Variants in LDLRAD3 observed in about 807,000 individuals in gnomAD.
LDLRAD3 encodes low density lipoprotein receptor class A domain containing 3, also known as low-density lipoprotein receptor class A domain-containing protein 3.
LDLRAD3 carries 20 observed loss-of-function variants against 29.4 expected under a neutral mutation model. That is an observed-to-expected ratio of 0.68 (90% CI 0.48 to 0.99). The LOEUF (loss-of-function observed/expected upper bound fraction) is 0.99. Ranked by LOEUF, LDLRAD3 falls within the 50% of genes least tolerant of loss-of-function variation. The probability of loss-of-function intolerance (pLI) is 0.00; values close to 1 mark genes in which losing one functional copy is unlikely to be tolerated. For synonymous variants in LDLRAD3, 157 were observed against 192.7 expected (o/e 0.81, Z 1.53); for missense variants, 420 against 454.3 (o/e 0.92, Z 0.69).
intron 3 of LDLRAD3, among the ~76,000 whole-genome samples, chr11:36,092,217 C>G (rs1462701585): frequency 6.6e-6 from 1 of 152,136 alleles, no homozygotes; most frequent in Non-Finnish European, 1.5e-5. Context: ...TACAGGGTTG[C>G]CTTTGGCTCC....
At chr11:35,952,572 C>T (rs1351687463) in intron 1 of LDLRAD3, among the ~76,000 whole-genome samples, 1 of 152,152 alleles carries the variant, frequency 6.6e-6, no homozygotes, top group African/African-American at 2.4e-5. Context: ...GTTATTTCAG[C>T]ACCATGACAC....
intron 1 of LDLRAD3, among the ~76,000 whole-genome samples, chr11:35,998,635 T>G (rs1184915422): frequency 1.3e-5 from 2 of 152,192 alleles, no homozygotes; most frequent in African/African-American, 4.8e-5. Flanking sequence ...AGGTCAAAGA[T>G]GTGAGCCCAG....
At chr11:36,120,932 C>G (rs911239771) in intron 4 of LDLRAD3, among the ~76,000 whole-genome samples, 3 of 152,114 alleles carry the variant, frequency 2.0e-5, no homozygotes, top group Non-Finnish European at 2.9e-5. Flanking sequence ...GTCTGTGAAC[C>G]AGGAAATGGG....
At chr11:36,141,037 C>CTCTCTCTCTCTCTCTCTCTCA in intron 4 of LDLRAD3, among the ~76,000 whole-genome samples, 1 of 45,522 alleles carries the variant, frequency 2.2e-5, no homozygotes, top group South Asian at 9.1e-4. Flanking sequence ...TCTCTCTCTC[C>CTCTCTCTCTCTCTCTCTCTCA]GTGTGGGGGT....
At chr11:36,120,947 C>T (rs1853746986) in intron 4 of LDLRAD3, among the ~76,000 whole-genome samples, 1 of 152,166 alleles carries the variant, frequency 6.6e-6, no homozygotes, top group South Asian at 2.1e-4. Context: ...AATGGGCCCT[C>T]ACCAGACCCT....
Position 35,944,392 on chromosome 11 carries a change from T to C in LDLRAD3, c.46+248T>C, listed in dbSNP as rs1486254963. ...TGTGCTGTGTGCGCGGGCGGGGCTC[T>C]GTGTGCAGTCCGGGTCTGGGGAGCC... On this transcript the variant is annotated intron_variant, in intron 1 of 5. Transcript: ENST00000315571. The surrounding 1 kb of genome is among the most constrained non-coding windows in gnomAD (Gnocchi z 4.9). Among the ~76,000 whole-genome samples, 1 of 152,046 alleles carries C rather than the reference T, an allele frequency of 6.6e-6. No individual in the cohort carries two copies. Among genetic ancestry groups the C allele is most frequent in the Non-Finnish European group, 1.5e-5 (1 of 67,968 alleles).
intron 4 of LDLRAD3, among the ~76,000 whole-genome samples, chr11:36,194,481 C>A (rs539189960): frequency 9.2e-5 from 14 of 152,156 alleles, no homozygotes; most frequent in African/African-American, 3.1e-4. Flanking sequence ...CCTCCAGGTC[C>A]TATCTCAGGT....
At chr11:36,008,737 GTCT>G (rs1851917936) in intron 1 of LDLRAD3, among the ~76,000 whole-genome samples, 1 of 152,134 alleles carries the variant, frequency 6.6e-6, no homozygotes, top group African/African-American at 2.4e-5. Context: ...TCTTTGTTTT[GTCT>G]TCTTAAGAAA....
intron 1 of LDLRAD3, among the ~76,000 whole-genome samples, chr11:36,014,540 C>T (rs1307436191): frequency 2.6e-5 from 4 of 152,176 alleles, no homozygotes; most frequent in Non-Finnish European, 4.4e-5. Context: ...TGGCCCATCA[C>T]ACCTGCTCCC....
intron 2 of LDLRAD3, among the ~76,000 whole-genome samples, chr11:36,060,699 C>G (rs193139289): frequency 6.6e-6 from 1 of 152,204 alleles, no homozygotes; most frequent in Non-Finnish European, 1.5e-5. Context: ...TTCTAATGTT[C>G]TGGATACTTC....
intron 4 of LDLRAD3, among the ~76,000 whole-genome samples, chr11:36,117,094 G>A (rs947408836): frequency 3.9e-5 from 6 of 152,124 alleles, no homozygotes; most frequent in African/African-American, 1.4e-4. Flanking sequence ...ACCCACCAGT[G>A]ATCTGCCCAC....
At chr11:36,188,881 C>A (rs974380239) in intron 4 of LDLRAD3, among the ~76,000 whole-genome samples, 14 of 152,192 alleles carry the variant, frequency 9.2e-5, no homozygotes, top group Non-Finnish European at 1.8e-4. Flanking sequence ...TTATAAAAGT[C>A]TTCTTTGGGA....
chr11:36,227,050 C>A (rs781534942), intron 4 of LDLRAD3, 35 bp from the exon 5 acceptor site: 2 of 1,470,294 alleles, frequency 1.4e-6, no homozygotes, highest in Non-Finnish European at 9.2e-7. Flanking sequence ...AACTGGTAAC[C>A]TTCTCTCTTT....
At chr11:36,074,368 A>T (rs576815354) in intron 2 of LDLRAD3, among the ~76,000 whole-genome samples, 47 of 152,300 alleles carry the variant, frequency 3.1e-4, no homozygotes, top group Non-Finnish European at 4.7e-4. Flanking sequence ...TCTACTGCAG[A>T]TAGTGCAATG....
chr11:36,038,708 G>A (rs562341460), intron 2 of LDLRAD3, among the ~76,000 whole-genome samples: 2 of 152,252 alleles, frequency 1.3e-5, no homozygotes, highest in Admixed American at 1.3e-4. Context: ...GCTCATTCTT[G>A]GCTATTCTCC....
intron 1 of LDLRAD3, among the ~76,000 whole-genome samples, chr11:35,947,355 C>T (rs1851070674): frequency 6.6e-6 from 1 of 151,914 alleles, no homozygotes; most frequent in African/African-American, 2.4e-5. Context: ...ACTAAAAATA[C>T]AAAAATTAGC....
chr11:36,070,423 T>TG lies in LDLRAD3; in HGVS notation c.194-11226dup, dbSNP rs569459021. On this transcript the variant is annotated intron_variant, in intron 2 of 5. Coordinates refer to ENST00000315571, the MANE Select transcript of LDLRAD3 (RefSeq NM_174902.4). Reference sequence around the variant, plus strand: ...GGGGAAGAAGAGAGCAGTGTTGAAATGGGGAAAGATCATAAAGAGGCCAGT... The same window carrying TG: ...GGGGAAGAAGAGAGCAGTGTTGAAATGGGGGAAAGATCATAAAGAGGCCAGT... Among the ~76,000 whole-genome samples, 263 of 152,226 alleles carry TG rather than the reference T, an allele frequency of 1.7e-3. 1 individual carries two copies. The highest frequency in any genetic ancestry group is 6.1e-3 in the African/African-American group (252 of 41,538).
intron 1 of LDLRAD3, among the ~76,000 whole-genome samples, chr11:35,957,816 GAAAA>G (rs1485314600): frequency 7.6e-6 from 1 of 131,062 alleles, no homozygotes; most frequent in Non-Finnish European, 1.6e-5. Flanking sequence ...AAAAAAAAAA[GAAAA>G]GAAAAGAAAA....
In LDLRAD3 at chr11:36,128,117, C is replaced by CATACATATATATATATATAT. The variant is rs1391537319; in HGVS notation, c.454+29659_454+29660insCATATATATATATATATATA. On this transcript the variant is annotated intron_variant, in intron 4 of 5. Transcript: ENST00000315571. ...CGTATTGATGGCAGAGTTGTTTTTA[C>CATACATATATATATATATAT]ATATATATATATATATATGTATATG... 3.0e-5 allele frequency among the ~76,000 whole-genome samples: 3 copies of CATACATATATATATATATAT among 98,954 alleles called. 1 individual carries two copies. Among genetic ancestry groups the CATACATATATATATATATAT allele is most frequent in the Non-Finnish European group, 6.9e-5 (3 of 43,350 alleles). 64.9% of individuals were successfully genotyped at this position (98,954 alleles called of 152,430 possible). A position where few individuals can be genotyped will look rare whatever the true frequency, so the allele number is the denominator to read the frequency against.
Sources: gnomAD v4.1 joint callset for allele counts (sites outside exome capture counted in the v4.1 genomes callset) on GRCh38, gnomAD v4.1.1 for gene constraint, Gnocchi (gnomAD v3.1) non-coding constraint, MANE v1.5 for transcripts, NCBI Gene and HGNC (gene_info 2026-07-23, HGNC 2026-07-21) for gene names.